Variants in DMXL1 observed in about 807,000 individuals in gnomAD.
The protein encoded by DMXL1 is dmX-like protein 1.
A neutral mutation model predicts 319.2 loss-of-function variants in DMXL1; 99 were observed. The observed-to-expected ratio is 0.31, with a 90% CI of 0.26 to 0.37. DMXL1 has a LOEUF of 0.37. Among genes scored for constraint, DMXL1 ranks in the 10% least tolerant of loss-of-function variants. The probability of loss-of-function intolerance (pLI) is 1.00; values close to 1 mark genes in which losing one functional copy is unlikely to be tolerated. For synonymous variants in DMXL1, 1,385 were observed against 1,235.2 expected, an observed-to-expected ratio of 1.12 and a Z score of -2.54; for missense variants, 3,745 against 3,595.6, an observed-to-expected ratio of 1.04 and a Z score of -1.06.
intron 13 of DMXL1, among the ~76,000 whole-genome samples, chr5:119,142,751 G>A (rs1029361325): frequency 3.9e-5 from 6 of 152,034 alleles, no homozygotes; most frequent in Admixed American, 3.9e-4. Context: ...GTTCATTGCA[G>A]CATTATTCAC....
rs776109940 is a variant in DMXL1, at chr5:119,170,708, G to C, written c.5917G>C (p.Asp1973His). The change falls in exon 24 of 44, where the codon GAT (aspartate) becomes CAT (histidine). Residue 1973 changes from aspartate (D) to histidine (H), a missense_variant. Asp to His is a moderately conservative substitution (Grantham distance 81). This residue lies in a region of DMXL1 where 1,382 missense variants were observed against 1,269.5 expected (regional missense o/e 1.09). Coordinates refer to ENST00000539542, the MANE Select transcript of DMXL1 (RefSeq NM_001290321.3). ...AGAGTTAAAATGGGACAGTGATAAT[G>C]ATGAAGAAAATGAGGATGTCCCTAT... ...SLELKWDSDNDEENEDVPISM... is the reference protein window; with the variant it reads ...SLELKWDSDNHEENEDVPISM... The C allele has an allele frequency of 3.7e-6, 6 of 1,613,284 alleles. No individual in the cohort carries two copies. Among genetic ancestry groups the C allele is most frequent in the Non-Finnish European group, 5.1e-6 (6 of 1,179,830 alleles).
At chr5:119,110,068 T>G in intron 4 of DMXL1, 83 bp from the exon 5 acceptor site, 1 of 1,293,684 alleles carries the variant, frequency 7.7e-7, no homozygotes, top group Non-Finnish European at 1.0e-6. Context: ...TTTTAGAAGT[T>G]GTTTTATATG....
chr5:119,084,784 A>G (rs1399191285), intron 1 of DMXL1, among the ~76,000 whole-genome samples: 1 of 151,718 alleles, frequency 6.6e-6, no homozygotes, highest in African/African-American at 2.4e-5. Flanking sequence ...GAATTGCTTG[A>G]ACCTGGGAGG....
rs183888698 is a variant in DMXL1 at position 119,240,895 on chromosome 5, T to C, written c.8704+424T>C. ...TCTTTATTCACAGAAAACATAATTT[T>C]CTATAAAATATCCCAAAGAATCTAC... On this transcript the variant is annotated intron_variant, in intron 42 of 43. Transcript: ENST00000539542. Among the ~76,000 whole-genome samples the C allele has an allele frequency of 1.6e-3, 251 of 152,200 alleles. 1 individual carries two copies. The highest frequency in any genetic ancestry group is 6.8e-3 in the Middle Eastern group (2 of 294).
chr5:119,241,952 T>C (rs1240375264), intron 42 of DMXL1, among the ~76,000 whole-genome samples: 1 of 152,250 alleles, frequency 6.6e-6, no homozygotes, highest in Non-Finnish European at 1.5e-5. Context: ...ATTAATTTTA[T>C]GTACTTATGA....
chr5:119,175,289 C>T lies in DMXL1; in HGVS notation c.6710C>T (p.Ser2237Leu), dbSNP rs751070883. ...TATGTAATGCATACTTTAGCAGCTT[C>T]ACTTTCTGCTTGTATTTATCAGTGC... ...KVYVMHTLAASLSACIYQCLC... is the reference protein window; with the variant it reads ...KVYVMHTLAALLSACIYQCLC... The change falls in exon 26 of 44, where the codon TCA (serine) becomes TTA (leucine). Residue 2237 changes from serine (S) to leucine (L), a missense_variant. Physicochemically the swap from Ser to Leu is moderately radical, Grantham distance 145 (BLOSUM62 -2). Around this residue, in one of 4 missense-constraint regions of DMXL1, gnomAD observed 1,382 missense variants for 1,269.5 expected, o/e 1.09. Transcript: ENST00000539542. 6.2e-7 allele frequency: 1 copy of T among 1,611,630 alleles called. No homozygotes were observed. The highest frequency in any genetic ancestry group is 8.5e-7 in the Non-Finnish European group (1 of 1,178,894).
At chr5:119,126,110 C>T (rs901472249) in intron 9 of DMXL1, among the ~76,000 whole-genome samples, 1 of 151,904 alleles carries the variant, frequency 6.6e-6, no homozygotes, top group African/African-American at 2.4e-5. Context: ...ATGGTGAAAC[C>T]CCGTCTCTGC....
intron 22 of DMXL1, among the ~76,000 whole-genome samples, chr5:119,167,088 A>G (rs995023319): frequency 6.6e-6 from 1 of 152,148 alleles, no homozygotes; most frequent in Non-Finnish European, 1.5e-5. Context: ...TTTGAACCCC[A>G]TATCTGGCTC....
At chr5:119,207,791 G>A (rs1272142134) in intron 34 of DMXL1, among the ~76,000 whole-genome samples, 1 of 152,142 alleles carries the variant, frequency 6.6e-6, no homozygotes, top group African/African-American at 2.4e-5. Flanking sequence ...CAAAGTGCTA[G>A]GATTACAGGC....
At chr5:119,151,589 C>T (rs1226720162) in intron 18 of DMXL1, among the ~76,000 whole-genome samples, 2 of 151,970 alleles carry the variant, frequency 1.3e-5, no homozygotes, top group Non-Finnish European at 2.9e-5. Context: ...ATGTATGATT[C>T]GAACAAACTG....
chr5:119,152,762 A>G (rs1393332488), intron 19 of DMXL1, among the ~76,000 whole-genome samples: 1 of 152,202 alleles, frequency 6.6e-6, no homozygotes, highest in Non-Finnish European at 1.5e-5. Flanking sequence ...AGTTCAAGAA[A>G]TAGAGCTGAC....
intron 37 of DMXL1, among the ~76,000 whole-genome samples, chr5:119,223,327 G>A (rs1454046587): frequency 6.6e-6 from 1 of 152,154 alleles, no homozygotes; most frequent in Non-Finnish European, 1.5e-5. Context: ...AAAATGCTGG[G>A]ATGACAGGCA....
At chr5:119,111,306 G>A (rs910237983) in intron 5 of DMXL1, among the ~76,000 whole-genome samples, 4 of 152,164 alleles carry the variant, frequency 2.6e-5, no homozygotes, top group Non-Finnish European at 5.9e-5. Context: ...TTGAGCACTT[G>A]AAATGCAACT....
chr5:119,166,556 G>A, intron 21 of DMXL1, 60 bp from the exon 22 acceptor site: 1 of 1,452,944 alleles, frequency 6.9e-7, no homozygotes, highest in Non-Finnish European at 9.4e-7. Flanking sequence ...TTAGAAAATT[G>A]ATTCTGATGT....
intron 35 of DMXL1, among the ~76,000 whole-genome samples, chr5:119,219,190 C>T (rs1784216181): frequency 6.6e-6 from 1 of 152,268 alleles, no homozygotes; most frequent in South Asian, 2.1e-4. Context: ...ACCTACCTTA[C>T]CTACACACAT....
intron 10 of DMXL1, chr5:119,132,602 G>A (rs894910614): frequency 2.0e-5 from 6 of 307,034 alleles, no homozygotes; most frequent in Non-Finnish European, 2.6e-5. Flanking sequence ...GCTTGGACCC[G>A]GGCAGCAGAG....
intron 13 of DMXL1, among the ~76,000 whole-genome samples, chr5:119,142,619 G>A (rs1181962928): frequency 1.3e-5 from 2 of 151,286 alleles, no homozygotes; most frequent in Non-Finnish European, 2.9e-5. Flanking sequence ...GTTGTGGAAA[G>A]CAGTACTGTG....
intron 35 of DMXL1, among the ~76,000 whole-genome samples, chr5:119,217,996 AG>A (rs1783988290): frequency 6.6e-6 from 1 of 152,132 alleles, no homozygotes; most frequent in Admixed American, 6.5e-5. Context: ...TCAAAGAAAC[AG>A]TTCTGTTTGA....
Position 119,129,394 on chromosome 5 carries a change from C to G in DMXL1, c.1286C>G (p.Ser429Cys), listed in dbSNP as rs1764305854. 1 of 1,610,762 alleles carries G rather than the reference C, an allele frequency of 6.2e-7. No individual in the cohort carries two copies. Among genetic ancestry groups the G allele is most frequent in the Non-Finnish European group, 8.5e-7 (1 of 1,179,028 alleles). The change falls in exon 10 of 44, where the codon TCT becomes TGT. Residue 429 changes from serine (S) to cysteine (C), a missense_variant. This residue lies in a region of DMXL1 where 2,096 missense variants were observed against 1,985.4 expected (regional missense o/e 1.06). Coordinates refer to ENST00000539542, the MANE Select transcript of DMXL1 (RefSeq NM_001290321.3). ...TCTTCTGAGGCCAGTGTAGAAGATT[C>G]TAATCAGGCAGATGTAAAATCTGAT... ...QPSSEASVED[S>C]NQADVKSDEE...
Sources: allele counts gnomAD v4.1 joint callset (sites outside exome capture counted in the v4.1 genomes callset), GRCh38; gene constraint gnomAD v4.1.1; regional missense constraint gnomAD v4.1.1; transcripts MANE v1.5; gene names NCBI Gene and HGNC (gene_info 2026-07-23, HGNC 2026-07-21).